Variants in KLHL8 observed in about 807,000 individuals in gnomAD.
The protein encoded by KLHL8 is kelch-like protein 8.
KLHL8 carries 38 observed loss-of-function variants against 63.5 expected under a neutral mutation model. The ratio of observed to expected loss-of-function variants is 0.60; its 90% confidence interval spans 0.46 to 0.78. The LOEUF (loss-of-function observed/expected upper bound fraction) is 0.78. Ranked by LOEUF, KLHL8 falls within the 30% of genes least tolerant of loss-of-function variation. KLHL8 has a pLI of 0.00. For synonymous variants in KLHL8, 224 were observed against 254.3 expected, an observed-to-expected ratio of 0.88 and a Z score of 1.13; for missense variants, 566 against 752.4, an observed-to-expected ratio of 0.75 and a Z score of 2.90.
intron 7 of KLHL8, 23 bp from the exon 8 acceptor site, chr4:87,170,261 A>C: frequency 1.9e-6 from 3 of 1,589,828 alleles, no homozygotes; most frequent in Non-Finnish European, 2.6e-6. Context: ...AGTCAAACAA[A>C]ACACATTAGA....
At chr4:87,222,205 C>CAA (rs1472033639), upstream of KLHL8, among the ~76,000 whole-genome samples, 1 of 152,202 alleles carries the variant, frequency 6.6e-6, no homozygotes, top group Non-Finnish European at 1.5e-5. Flanking sequence ...TGAAGTCTGT[C>CAA]AACACTCTTG....
At chr4:87,207,072 G>A (rs1230807533) in intron 1 of KLHL8, 2 of 450,118 alleles carry the variant, frequency 4.4e-6, no homozygotes, top group Admixed American at 5.2e-5. Flanking sequence ...TGCATTGCCA[G>A]CTGCATCGCT....
rs770546994 is a variant in KLHL8, at chr4:87,185,452, C to T, written c.564G>A (p.Ala188=). The change falls in exon 3 of 10, where the codon GCG becomes GCA. Residue 188 remains alanine (A), a synonymous_variant. Transcript: ENST00000273963. ...TAAAATGGTCACAGGCATACTGATC[C>T]GCCATGTCCATTAAGTCTATTCGAT... is the stretch of plus-strand genomic sequence containing the variant. The part of the protein sequence containing the change: ...SHNRIDLMDM[A]DQYACDHFTE... 14 of 1,614,150 alleles carry T rather than the reference C, an allele frequency of 8.7e-6. No homozygotes were observed. Among genetic ancestry groups the T allele is most frequent in the Middle Eastern group, 1.6e-4 (1 of 6,062 alleles).
At chr4:87,180,461 AACT>A (rs1731007726) in intron 4 of KLHL8, among the ~76,000 whole-genome samples, 1 of 152,234 alleles carries the variant, frequency 6.6e-6, no homozygotes, top group Admixed American at 6.5e-5. Flanking sequence ...GATAAAAAAT[AACT>A]ACTGTTTTCT....
intron 1 of KLHL8, chr4:87,207,673 C>T (rs562712426): frequency 2.0e-4 from 220 of 1,098,576 alleles, no homozygotes; most frequent in South Asian, 2.6e-4. Context: ...GAAACTGTGG[C>T]GTGACAGCTG....
intron 4 of KLHL8, among the ~76,000 whole-genome samples, chr4:87,180,305 A>G (rs899441366): frequency 5.9e-5 from 9 of 152,242 alleles, no homozygotes; most frequent in African/African-American, 2.2e-4. Flanking sequence ...GGACTAGCAC[A>G]GTACCTGCCA....
intron 1 of KLHL8, among the ~76,000 whole-genome samples, chr4:87,206,038 C>T (rs1732117323): frequency 6.6e-6 from 1 of 152,202 alleles, no homozygotes; most frequent in Non-Finnish European, 1.5e-5. Flanking sequence ...CAAGTAGCAA[C>T]ACCATTTTTT....
intron 1 of KLHL8, among the ~76,000 whole-genome samples, chr4:87,210,446 A>G (rs1482480690): frequency 4.6e-5 from 7 of 152,114 alleles, no homozygotes. Context: ...ACACCACTGC[A>G]CTCCAGCCTG....
intron 1 of KLHL8, among the ~76,000 whole-genome samples, chr4:87,206,031 G>A (rs1732116443): frequency 6.6e-6 from 1 of 152,130 alleles, no homozygotes; most frequent in Non-Finnish European, 1.5e-5. Flanking sequence ...ACTTTTACAA[G>A]TAGCAACACC....
intron 2 of KLHL8, among the ~76,000 whole-genome samples, chr4:87,192,433 A>G (rs1379232757): frequency 1.3e-5 from 2 of 152,124 alleles, no homozygotes; most frequent in Non-Finnish European, 2.9e-5. Context: ...GTATATGTTC[A>G]TGTCCTTTGC....
At chr4:87,192,901 AG>A (rs1207629519) in intron 2 of KLHL8, among the ~76,000 whole-genome samples, 2 of 152,138 alleles carry the variant, frequency 1.3e-5, no homozygotes, top group African/African-American at 4.8e-5. Flanking sequence ...ATACAGTATA[AG>A]GTATTTTTTT....
chr4:87,168,089 TTAGGTAGAACC>T (rs1395513286), intron 8 of KLHL8, among the ~76,000 whole-genome samples: 1 of 152,148 alleles, frequency 6.6e-6, no homozygotes, highest in South Asian at 2.1e-4. Flanking sequence ...TATATACCCT[TTAGGTAGAACC>T]ATAGTTTGAT....
chr4:87,194,165 G>C (rs980821667), intron 2 of KLHL8, among the ~76,000 whole-genome samples: 1 of 152,170 alleles, frequency 6.6e-6, no homozygotes, highest in Non-Finnish European at 1.5e-5. Flanking sequence ...AGGGCTCTGT[G>C]CTCATGAATG....
intron 2 of KLHL8, among the ~76,000 whole-genome samples, chr4:87,187,868 T>C (rs1212734760): frequency 2.0e-5 from 3 of 152,210 alleles, no homozygotes; most frequent in African/African-American, 7.2e-5. Context: ...TTTCCTGTTT[T>C]CATGTAGTGT....
In KLHL8 at chr4:87,183,082, C is replaced by A. The variant is rs1041304980; in HGVS notation, c.952+121G>T. 8 of 610,464 alleles carry A rather than the reference C, an allele frequency of 1.3e-5. No homozygotes were observed. The African/African-American group carries it at 1.3e-4, about 10-fold the overall frequency. The allele number at this position is 610,464 out of a possible 1,614,324, so 37.8% of individuals were successfully genotyped here. On this transcript the variant is annotated intron_variant, in intron 4 of 9. Coordinates refer to ENST00000273963, the MANE Select transcript of KLHL8 (RefSeq NM_020803.5). ...TTATAAATATATAAAACCGTATTTG[C>A]CAATTATTACTTTAAGGCAATCAGA...
chr4:87,166,234 T>C (rs1277557517), intron 8 of KLHL8, among the ~76,000 whole-genome samples: 2 of 152,236 alleles, frequency 1.3e-5, no homozygotes, highest in Non-Finnish European at 2.9e-5. Flanking sequence ...TAAATTATGT[T>C]ACTTCCCCTC....
At chr4:87,237,585 T>C (rs1044328723) in intron 1 of KLHL8, among the ~76,000 whole-genome samples, 2 of 152,168 alleles carry the variant, frequency 1.3e-5, no homozygotes, top group African/African-American at 4.8e-5. Flanking sequence ...TTCCAGCACT[T>C]TGGGAGGCCA....
chr4:87,214,460 A>G (rs920519792), intron 1 of KLHL8, among the ~76,000 whole-genome samples: 1 of 126,048 alleles, frequency 7.9e-6, no homozygotes, highest in Non-Finnish European at 1.7e-5. Flanking sequence ...ATATATATAT[A>G]ATTGTCATCA....
chr4:87,224,801 G>A (rs2110065232), upstream of KLHL8, among the ~76,000 whole-genome samples: 1 of 152,276 alleles, frequency 6.6e-6, no homozygotes, highest in South Asian at 2.1e-4. Flanking sequence ...ATAAATTAAT[G>A]ACAGTTCTTC....
Sources: gnomAD v4.1 joint callset for allele counts (sites outside exome capture counted in the v4.1 genomes callset) on GRCh38, gnomAD v4.1.1 for gene constraint, MANE v1.5 for transcripts, NCBI Gene and HGNC (gene_info 2026-07-23, HGNC 2026-07-21) for gene names.